The following STT3A variants were observed in gnomAD, a reference collection of about 807,000 sequenced individuals.
The protein encoded by STT3A is dolichyl-diphosphooligosaccharide--protein glycosyltransferase subunit STT3A.
In STT3A, 34 loss-of-function variants were observed where a neutral mutation model predicts 89.2. The ratio of observed to expected loss-of-function variants is 0.38; its 90% CI spans 0.29 to 0.51. The LOEUF (loss-of-function observed/expected upper bound fraction) is 0.51, where lower values mean the gene tolerates loss of function less well. STT3A is among the 20% of genes least tolerant of loss of function. STT3A has a pLI of 0.89. For synonymous variants in STT3A, 282 were observed against 310.3 expected (o/e 0.91, Z 0.96); for missense variants, 555 against 889.5 (o/e 0.62, Z 4.78).
At chr11:125,605,121 A>G (rs199591042) in intron 6 of STT3A, among the ~76,000 whole-genome samples, 2 of 76,392 alleles carry the variant, frequency 2.6e-5, no homozygotes, top group Admixed American at 2.2e-4. Context: ...TGTTGTTTTT[A>G]TTTTTATTTT....
rs562788766 is a variant in STT3A, at chr11:125,620,005, C to A, written c.1964-6C>A. ...AAGAAGTGTGTTCTTTTTCATCCCT[C>A]TCTAGAGCGTCCTCCAGGCTTTGAC... On this transcript the variant is annotated splice_polypyrimidine_tract_variant and splice_region_variant and intron_variant, in intron 16 of 17. Coordinates refer to ENST00000392708, the MANE Select transcript of STT3A (RefSeq NM_152713.5). The A allele has an allele frequency of 6.2e-7, 1 of 1,612,950 alleles. No individual in the cohort carries two copies. The highest frequency in any genetic ancestry group is 8.5e-7 in the Non-Finnish European group (1 of 1,179,278).
chr11:125,597,015 C>A (rs1326469615), intron 2 of STT3A, 44 bp from the exon 3 acceptor site: 1 of 1,600,576 alleles, frequency 6.2e-7, no homozygotes, highest in Non-Finnish European at 8.6e-7. Context: ...GCTGTTCTTT[C>A]ATGGCACATT....
In STT3A at chr11:125,614,460, C is replaced by A; in HGVS notation, c.1774+34C>A. ...CTTGATTCTGTTTCTAGCTGCAGGA[C>A]ATAGATTCTAAGAAAACTAGATGAA... is the stretch of plus-strand genomic sequence containing the variant. On this transcript the variant is annotated intron_variant, in intron 15 of 17. Coordinates refer to ENST00000392708, the MANE Select transcript of STT3A (RefSeq NM_152713.5). The surrounding 1 kb of genome is among the most constrained non-coding windows in gnomAD (Gnocchi z 4.9). 1 of 1,574,640 alleles carries A rather than the reference C, an allele frequency of 6.4e-7. No individual in the cohort carries two copies. The highest frequency in any genetic ancestry group is 8.7e-7 in the Non-Finnish European group (1 of 1,149,134).
At chr11:125,596,635 G>C (rs957907082) in intron 2 of STT3A, among the ~76,000 whole-genome samples, 8 of 152,152 alleles carry the variant, frequency 5.3e-5, no homozygotes, top group Admixed American at 5.2e-4. Context: ...AGTCTCTTGA[G>C]AGTTTACTCT....
At position 125,614,573 on chromosome 11, in the gene STT3A, G is replaced by A; in HGVS notation, c.1774+147G>A. On this transcript the variant is annotated intron_variant, in intron 15 of 17. Coordinates refer to ENST00000392708, the MANE Select transcript of STT3A (RefSeq NM_152713.5). The surrounding 1 kb of genome is among the most constrained non-coding windows in gnomAD (Gnocchi z 4.9). ...CCTAAGTATTTGCAACTTGAGGTTTGGGTATTTTGATTTTTTTCTTTTTGT... is the reference window on the plus strand; with the variant it reads ...CCTAAGTATTTGCAACTTGAGGTTTAGGTATTTTGATTTTTTTCTTTTTGT... 1.3e-6 allele frequency: 1 copy of A among 783,732 alleles called. No individual in the cohort carries two copies. The highest frequency in any genetic ancestry group is 2.0e-6 in the Non-Finnish European group (1 of 505,504). The allele number at this position is 783,732 out of a possible 1,614,324, so 48.5% of individuals were successfully genotyped here.
At chr11:125,599,315 G>A (rs1939601550) in intron 3 of STT3A, among the ~76,000 whole-genome samples, 1 of 152,208 alleles carries the variant, frequency 6.6e-6, no homozygotes, top group South Asian at 2.1e-4. Context: ...GACCAAGGAG[G>A]AAATAGGGTT....
chr11:125,615,350 C>G (rs1199013611), intron 15 of STT3A, among the ~76,000 whole-genome samples: 1 of 152,124 alleles, frequency 6.6e-6, no homozygotes, highest in Non-Finnish European at 1.5e-5. Context: ...TAACATCAGT[C>G]CCCAGAAGCA....
intron 2 of STT3A, among the ~76,000 whole-genome samples, chr11:125,596,799 A>T (rs546362166): frequency 2.6e-4 from 40 of 152,288 alleles, no homozygotes; most frequent in African/African-American, 9.4e-4. Flanking sequence ...TGGTATTAGT[A>T]GGTGAATGTA....
chr11:125,614,425 T>A lies in STT3A; in HGVS notation c.1773T>A (p.Asp591Glu). The change falls in exon 15 of 18, where the codon GAT (aspartate) becomes GAA (glutamate). Residue 591 changes from aspartate to glutamate, a missense_variant and splice_region_variant. Physicochemically the swap from Asp to Glu is conservative, Grantham distance 45. Transcript: ENST00000392708. This position sits in a 1 kb window ranked among gnomAD's most constrained non-coding sequence, Gnocchi z 4.9. ...IFGGLTGYSS[D>E]DINKFLWMVR... The stretch of plus-strand genomic sequence containing the variant: ...GAGGCCTCACTGGGTATTCCTCTGA[T>A]GGTAATATACTTGATTCTGTTTCTA... 1 of 1,613,368 alleles carries A rather than the reference T, an allele frequency of 6.2e-7. No individual in the cohort carries two copies. The highest frequency in any genetic ancestry group is 8.5e-7 in the Non-Finnish European group (1 of 1,179,322).
chr11:125,612,762 T>G lies in STT3A; in HGVS notation c.1365+15T>G, dbSNP rs371002442. 19 of 1,612,510 alleles carry G rather than the reference T, an allele frequency of 1.2e-5. No individual in the cohort carries two copies. In the East Asian group the frequency reaches 3.8e-4, roughly 32 times the overall value. On this transcript the variant is annotated intron_variant, in intron 12 of 17. Coordinates refer to ENST00000392708, the MANE Select transcript of STT3A (RefSeq NM_152713.5). ...TTAAGAATGAAGTGAGAAGCAATGT[T>G]AAGAGTAGACTTGGGAAACTCTGTG...
chr11:125,601,032 T>C (rs1278249928), intron 3 of STT3A, among the ~76,000 whole-genome samples: 2 of 152,224 alleles, frequency 1.3e-5, no homozygotes, highest in African/African-American at 4.8e-5. Context: ...AGCGATCCTC[T>C]TGCCTCAGTC....
chr11:125,609,624 A>T, intron 10 of STT3A, 35 bp downstream of exon 10: 2 of 1,577,262 alleles, frequency 1.3e-6, no homozygotes, highest in Non-Finnish European at 1.7e-6. Context: ...GGCCTTGTTC[A>T]TAAGAATCAC....
chr11:125,605,811 C>A, intron 7 of STT3A, 76 bp downstream of exon 7: 1 of 1,298,136 alleles, frequency 7.7e-7, no homozygotes, highest in Non-Finnish European at 1.1e-6. Flanking sequence ...ATTGTTTGAC[C>A]AACTTTCTTT....
intron 16 of STT3A, 141 bp downstream of exon 16, chr11:125,618,702 C>CCTG: frequency 1.3e-6 from 1 of 769,842 alleles, no homozygotes; most frequent in Non-Finnish European, 1.9e-6. Context: ...AAGGCATATA[C>CCTG]TGATATTATT....
rs375715516 is a variant in STT3A, at chr11:125,606,430, A to G, written c.745A>G (p.Ile249Val). The change falls in exon 8 of 18, where the codon ATA becomes GTA. Residue 249 changes from isoleucine (I) to valine (V), a missense_variant. By Grantham distance (29) the Ile-to-Val change is conservative. Transcript: ENST00000392708. ...CTGTACTGTTTACTGCCTGGGCACT[A>G]TACTTTCTATGCAGATCTCCTTTGT... ...AYCTVYCLGT[I>V]LSMQISFVGF... 3.1e-6 allele frequency: 5 copies of G among 1,613,932 alleles called. No individual in the cohort carries two copies. The highest frequency in any genetic ancestry group is 1.3e-5 in the African/African-American group (1 of 74,922).
chr11:125,611,636 T>C (rs1353212235), intron 11 of STT3A, 117 bp downstream of exon 11: 1 of 901,854 alleles, frequency 1.1e-6, no homozygotes, highest in African/African-American at 1.7e-5. Context: ...TCTGAGCATT[T>C]GAGGGAATGA....
At chr11:125,596,218 A>T (rs768582285) in intron 2 of STT3A, among the ~76,000 whole-genome samples, 2 of 152,216 alleles carry the variant, frequency 1.3e-5, no homozygotes, top group African/African-American at 2.4e-5. Flanking sequence ...TAATCCCAGC[A>T]CTTTGGGAGG....
intron 3 of STT3A, among the ~76,000 whole-genome samples, chr11:125,599,606 G>GT (rs1939611417): frequency 1.3e-5 from 2 of 151,120 alleles, no homozygotes; most frequent in Admixed American, 1.3e-4. Context: ...ATTGGGTCTT[G>GT]TTATGTTACA....
intron 11 of STT3A, among the ~76,000 whole-genome samples, chr11:125,612,076 A>G (rs1050570948): frequency 6.6e-6 from 1 of 151,702 alleles, no homozygotes; most frequent in African/African-American, 2.4e-5. Flanking sequence ...GGGGTTTTCC[A>G]TGTTCGTCAG....
Sources: gnomAD v4.1 joint callset for allele counts (sites outside exome capture counted in the v4.1 genomes callset) on GRCh38, gnomAD v4.1.1 for gene constraint, Gnocchi (gnomAD v3.1) non-coding constraint, MANE v1.5 for transcripts, NCBI Gene and HGNC (gene_info 2026-07-23, HGNC 2026-07-21) for gene names.